The following DSCAM variants were observed in gnomAD, a reference collection of about 807,000 sequenced individuals.
DSCAM encodes cell adhesion molecule DSCAM.
In DSCAM, 47 loss-of-function variants were observed where a neutral mutation model predicts 217.7. The ratio of observed to expected loss-of-function variants is 0.22; its 90% CI spans 0.17 to 0.28. The LOEUF (loss-of-function observed/expected upper bound fraction) is 0.28. Among genes scored for constraint, DSCAM ranks in the 10% least tolerant of loss-of-function variants. DSCAM has a pLI of 1.00. For synonymous variants in DSCAM, 1,056 were observed against 1,015.3 expected (o/e 1.04, Z -0.76); for missense variants, 2,080 against 2,618.3 (o/e 0.79, Z 4.49).
chr21:40,696,723 T>C (rs981989007), intron 2 of DSCAM, among the ~76,000 whole-genome samples: 2 of 152,202 alleles, frequency 1.3e-5, no homozygotes, highest in East Asian at 1.9e-4. Context: ...GAAAAAAAAA[T>C]CTCTGGTAAT....
intron 3 of DSCAM, among the ~76,000 whole-genome samples, chr21:40,507,884 C>T (rs1019161060): frequency 5.3e-5 from 8 of 152,084 alleles, no homozygotes; most frequent in African/African-American, 1.7e-4. Context: ...TTCTCTGTAC[C>T]CCCTCGCCCC....
chr21:40,488,384 GA>G (rs1158558494), intron 3 of DSCAM, among the ~76,000 whole-genome samples: 1 of 152,212 alleles, frequency 6.6e-6, no homozygotes, highest in Non-Finnish European at 1.5e-5. Flanking sequence ...TTGGTCTCTG[GA>G]AACTTCTATT....
At chr21:40,264,324 C>T (rs1233875268) in intron 11 of DSCAM, among the ~76,000 whole-genome samples, 2 of 152,050 alleles carry the variant, frequency 1.3e-5, no homozygotes, top group African/African-American at 4.8e-5. Context: ...AAACCAAATC[C>T]AATAGCAAAT....
chr21:40,138,898 TGTG>T (rs2090251606), intron 18 of DSCAM, among the ~76,000 whole-genome samples: 1 of 134,452 alleles, frequency 7.4e-6, no homozygotes, highest in Non-Finnish European at 1.6e-5. Flanking sequence ...GGTGTGTAAG[TGTG>T]GTGTGTGTGG....
chr21:40,484,276 C>T (rs1022436407), intron 3 of DSCAM, among the ~76,000 whole-genome samples: 15 of 152,296 alleles, frequency 9.8e-5, no homozygotes, highest in Admixed American at 2.0e-4. Context: ...CATTAAATGC[C>T]CTATCCAGTT....
intron 3 of DSCAM, among the ~76,000 whole-genome samples, chr21:40,550,519 C>T (rs2076621245): frequency 2.6e-5 from 4 of 152,068 alleles, no homozygotes; most frequent in South Asian, 4.1e-4. Flanking sequence ...AGCAAGAATC[C>T]ATCTCAAAAA....
intron 8 of DSCAM, among the ~76,000 whole-genome samples, chr21:40,336,897 A>G (rs1371559189): frequency 1.3e-5 from 2 of 152,184 alleles, no homozygotes; most frequent in East Asian, 3.9e-4. Flanking sequence ...AAATAAATAA[A>G]CACAACCACC....
chr21:40,376,834 G>A (rs1163317852), intron 3 of DSCAM, among the ~76,000 whole-genome samples: 2 of 151,746 alleles, frequency 1.3e-5, no homozygotes, highest in Non-Finnish European at 2.9e-5. Flanking sequence ...CTGCATATAA[G>A]AGAAAAGAAG....
chr21:40,697,387 C>T (rs1025009851), intron 2 of DSCAM, among the ~76,000 whole-genome samples: 8 of 152,096 alleles, frequency 5.3e-5, no homozygotes, highest in African/African-American at 1.9e-4. Context: ...GCTTTTGAGG[C>T]CTTACCCCAA....
chr21:40,552,968 T>G (rs576330022), intron 3 of DSCAM, among the ~76,000 whole-genome samples: 5 of 29,504 alleles, frequency 1.7e-4, no homozygotes, highest in Non-Finnish European at 2.6e-4. Context: ...GCTTTCTAAT[T>G]TTTTTAAGAC....
At chr21:40,758,636 G>A (rs912235949) in intron 1 of DSCAM, among the ~76,000 whole-genome samples, 2 of 151,986 alleles carry the variant, frequency 1.3e-5, no homozygotes, top group South Asian at 2.1e-4. Context: ...GTCTATTTAT[G>A]GTTTTCCTTT....
At chr21:40,583,069 C>A (rs1182913155) in intron 3 of DSCAM, among the ~76,000 whole-genome samples, 1 of 151,948 alleles carries the variant, frequency 6.6e-6, no homozygotes, top group Non-Finnish European at 1.5e-5. Flanking sequence ...TATGAATGAA[C>A]TATTGAAGAA....
chr21:40,806,421 A>T (rs1190140473), intron 1 of DSCAM, among the ~76,000 whole-genome samples: 1 of 152,230 alleles, frequency 6.6e-6, no homozygotes, highest in Non-Finnish European at 1.5e-5. Context: ...AGATCTGATG[A>T]TATTTTAAAG....
chr21:40,764,680 G>A (rs2091369371), intron 1 of DSCAM, among the ~76,000 whole-genome samples: 1 of 152,134 alleles, frequency 6.6e-6, no homozygotes, highest in South Asian at 2.1e-4. Context: ...ATTTACAATA[G>A]CAAAGACTTG....
chr21:40,764,940 G>A (rs1287509586), intron 1 of DSCAM, among the ~76,000 whole-genome samples: 1 of 151,984 alleles, frequency 6.6e-6, no homozygotes, highest in African/African-American at 2.4e-5. Flanking sequence ...TCACACACCG[G>A]GGCCTGTCAG....
rs141112631 is a variant in DSCAM at position 40,782,546 on chromosome 21, G to A, written c.43+64073C>T. On this transcript the variant is annotated intron_variant, in intron 1 of 32. Coordinates refer to ENST00000400454, the MANE Select transcript of DSCAM (RefSeq NM_001389.5). Reference sequence around the variant, plus strand: ...AGTTTGAGACTAGTCTGGGCAATGCGGTGAAGTCCCATCTCTACAAAGAAT... The same window carrying A: ...AGTTTGAGACTAGTCTGGGCAATGCAGTGAAGTCCCATCTCTACAAAGAAT... 1.4e-3 allele frequency among the ~76,000 whole-genome samples: 219 copies of A among 152,174 alleles called. 2 individuals carry two copies. Among genetic ancestry groups the A allele is most frequent in the African/African-American group, 4.8e-3 (200 of 41,518 alleles).
intron 3 of DSCAM, among the ~76,000 whole-genome samples, chr21:40,519,739 T>G (rs1193428571): frequency 6.6e-6 from 1 of 152,172 alleles, no homozygotes; most frequent in African/African-American, 2.4e-5. Context: ...ATAGAAATCA[T>G]TCTTGAGCTT....
intron 3 of DSCAM, among the ~76,000 whole-genome samples, chr21:40,661,389 G>A (rs9636972): frequency 0.35 from 52,486 of 151,948 alleles, 10,481 homozygotes; most frequent in Non-Finnish European, 0.45. Flanking sequence ...GTTTTCTTTC[G>A]TGCTTTTTGT....
chr21:40,521,565 A>ATT (rs140571543), intron 3 of DSCAM, among the ~76,000 whole-genome samples: 3 of 151,460 alleles, frequency 2.0e-5, no homozygotes, highest in East Asian at 1.9e-4. Context: ...CTTCTTTTTA[A>ATT]TTTTTTTTGC....
Sources: gnomAD v4.1 joint callset for allele counts (sites outside exome capture counted in the v4.1 genomes callset) on GRCh38, gnomAD v4.1.1 for gene constraint, MANE v1.5 for transcripts, NCBI Gene and HGNC (gene_info 2026-07-23, HGNC 2026-07-21) for gene names.